The following LINGO2 variants were observed in gnomAD, a reference collection of about 807,000 sequenced individuals.
LINGO2 encodes leucine rich repeat and Ig domain containing 2.
Under a neutral mutation model 30.6 loss-of-function variants are expected in LINGO2, and 14 were observed. The ratio of observed to expected loss-of-function variants is 0.46; its 90% confidence interval spans 0.30 to 0.72. The LOEUF is 0.72. Among genes scored for constraint, LINGO2 ranks in the 30% least tolerant of loss-of-function variants. LINGO2 has a pLI of 0.07. For missense variants in LINGO2, 729 were observed against 751.7 expected (o/e 0.97, Z 0.35); for synonymous variants, 317 against 288.5 (o/e 1.10, Z -1.00).
At chr9:28,631,863 TG>T (rs1278602609) in intron 1 of LINGO2, among the ~76,000 whole-genome samples, 1 of 152,138 alleles carries the variant, frequency 6.6e-6, no homozygotes, top group East Asian at 1.9e-4. Context: ...TAGAACCTTT[TG>T]GTCCTATGAA....
At chr9:28,596,132 T>G (rs1825165498) in intron 1 of LINGO2, among the ~76,000 whole-genome samples, 1 of 152,146 alleles carries the variant, frequency 6.6e-6, no homozygotes, top group South Asian at 2.1e-4. Context: ...GGGAAGGATA[T>G]TATAACTATT....
the LINGO2 span, among the ~76,000 whole-genome samples, chr9:28,742,096 C>A: frequency 6.6e-6 from 1 of 151,918 alleles, no homozygotes; most frequent in Non-Finnish European, 1.5e-5. Context: ...GCCACATTGG[C>A]CTTCCTAGCA....
chr9:28,559,159 C>G (rs1273223245), intron 1 of LINGO2, among the ~76,000 whole-genome samples: 1 of 152,066 alleles, frequency 6.6e-6, no homozygotes, highest in Admixed American at 6.6e-5. Flanking sequence ...CAGACACTGT[C>G]AGCACTTTAT....
At chr9:28,881,983 A>C in the LINGO2 span, among the ~76,000 whole-genome samples, 1 of 152,218 alleles carries the variant, frequency 6.6e-6, no homozygotes, top group Non-Finnish European at 1.5e-5. Flanking sequence ...ATTGTCAATT[A>C]TATTTTGCAT....
chr9:29,038,016 ATAAAG>A, the LINGO2 span, among the ~76,000 whole-genome samples: 1 of 152,080 alleles, frequency 6.6e-6, no homozygotes. Context: ...TGAATACTTC[ATAAAG>A]TATTTATGTT....
intron 1 of LINGO2, among the ~76,000 whole-genome samples, chr9:28,607,979 G>A (rs950943531): frequency 1.3e-5 from 2 of 152,026 alleles, no homozygotes; most frequent in Non-Finnish European, 2.9e-5. Flanking sequence ...CAGCATGCAT[G>A]TTAAGAAATC....
chr9:28,512,669 A>ATATC (rs35627400), intron 1 of LINGO2, among the ~76,000 whole-genome samples: 92,499 of 126,790 alleles, frequency 0.73, 35,804 homozygotes, highest in Middle Eastern at 0.84. Context: ...ACACATATGG[A>ATATC]TATCTATCTA....
chr9:28,201,094 T>C (rs1328042664), intron 4 of LINGO2, among the ~76,000 whole-genome samples: 1 of 151,626 alleles, frequency 6.6e-6, no homozygotes, highest in African/African-American at 2.4e-5. Context: ...TTTTTTATTA[T>C]ACTTTAAGTT....
chr9:28,389,410 T>G (rs1173579519), intron 2 of LINGO2, among the ~76,000 whole-genome samples: 1 of 152,188 alleles, frequency 6.6e-6, no homozygotes, highest in East Asian at 1.9e-4. Flanking sequence ...TATCAGAGTT[T>G]TAAAGTTTTA....
chr9:29,080,914 T>C, the LINGO2 span, among the ~76,000 whole-genome samples: 29,991 of 152,044 alleles, frequency 0.2, 3,097 homozygotes, highest in African/African-American at 0.24. Flanking sequence ...CTGAGAAGAC[T>C]GTATATACTG....
At chr9:29,031,207 T>G in the LINGO2 span, among the ~76,000 whole-genome samples, 4 of 152,096 alleles carry the variant, frequency 2.6e-5, no homozygotes, top group Non-Finnish European at 5.9e-5. Context: ...TTTTCATGTT[T>G]GGTTCATATC....
chr9:28,761,587 G>A, the LINGO2 span, among the ~76,000 whole-genome samples: 1 of 151,800 alleles, frequency 6.6e-6, no homozygotes, highest in African/African-American at 2.4e-5. Flanking sequence ...ATAGTCTGAA[G>A]AAGATAATGT....
At chr9:28,894,662 TTAA>T in the LINGO2 span, among the ~76,000 whole-genome samples, 1 of 151,866 alleles carries the variant, frequency 6.6e-6, no homozygotes, top group African/African-American at 2.4e-5. Flanking sequence ...TTTTTACATT[TTAA>T]TAATATATAA....
At chr9:28,301,720 G>T (rs1286113631) in intron 3 of LINGO2, among the ~76,000 whole-genome samples, 2 of 152,148 alleles carry the variant, frequency 1.3e-5, no homozygotes, top group Admixed American at 1.3e-4. Context: ...ATTGCATAAA[G>T]TGAGAAATGG....
intron 3 of LINGO2, among the ~76,000 whole-genome samples, chr9:28,323,987 T>G (rs973062160): frequency 6.6e-6 from 1 of 152,216 alleles, no homozygotes; most frequent in African/African-American, 2.4e-5. Flanking sequence ...GCTCTTCCTT[T>G]GTTTTGCAGA....
At chr9:29,103,620 G>T in the LINGO2 span, among the ~76,000 whole-genome samples, 3 of 151,888 alleles carry the variant, frequency 2.0e-5, no homozygotes, top group African/African-American at 7.3e-5. Context: ...GAATCAATAT[G>T]TGGAATAAAC....
At chr9:28,497,931 CCT>C (rs1443091635) in intron 1 of LINGO2, among the ~76,000 whole-genome samples, 1 of 152,144 alleles carries the variant, frequency 6.6e-6, no homozygotes, top group African/African-American at 2.4e-5. Context: ...CATTCCAGAC[CCT>C]GTTTGCCTGG....
chr9:28,133,537 A>G (rs1191648019), intron 4 of LINGO2, among the ~76,000 whole-genome samples: 2 of 152,122 alleles, frequency 1.3e-5, no homozygotes, highest in African/African-American at 4.8e-5. Context: ...TTAAAATATT[A>G]CTCACTGGGT....
At chr9:28,382,035 A>G (rs767215381) in intron 2 of LINGO2, among the ~76,000 whole-genome samples, 5 of 152,092 alleles carry the variant, frequency 3.3e-5, no homozygotes, top group African/African-American at 9.7e-5. Context: ...CAGCACTACT[A>G]CTTATTAACA....
Sources: gnomAD v4.1 joint callset for allele counts (sites outside exome capture counted in the v4.1 genomes callset) on GRCh38, gnomAD v4.1.1 for gene constraint, MANE v1.5 for transcripts, NCBI Gene and HGNC (gene_info 2026-07-23, HGNC 2026-07-21) for gene names.